The following RNF34 variants were observed in gnomAD, a reference collection of about 807,000 sequenced individuals.
RNF34 encodes the protein E3 ubiquitin-protein ligase RNF34.
RNF34 carries 12 observed loss-of-function variants against 37.9 expected under a neutral mutation model. That is an observed-to-expected ratio of 0.32 (90% CI 0.20 to 0.51). The LOEUF (loss-of-function observed/expected upper bound fraction) is 0.51, where lower values mean the gene tolerates loss of function less well. Ranked by LOEUF, RNF34 falls within the 20% of genes least tolerant of loss-of-function variation. The pLI is 0.97. For missense variants in RNF34, 362 were observed against 472.7 expected (o/e 0.77, Z 2.17); for synonymous variants, 155 against 177.2 (o/e 0.87, Z 1.00).
intron 1 of RNF34, among the ~76,000 whole-genome samples, chr12:121,414,766 G>A (rs983473408): frequency 4.7e-5 from 7 of 149,366 alleles, no homozygotes; most frequent in Non-Finnish European, 5.9e-5. Flanking sequence ...TCCGCCTCCC[G>A]AATTCAAGCA....
intron 1 of RNF34, among the ~76,000 whole-genome samples, chr12:121,407,633 A>G (rs998313886): frequency 9.9e-5 from 15 of 152,260 alleles, no homozygotes; most frequent in Non-Finnish European, 1.9e-4. Context: ...AGATGCTTCA[A>G]TCTTACTATC....
At chr12:121,406,460 G>A (rs1031864232) in intron 1 of RNF34, among the ~76,000 whole-genome samples, 3 of 151,810 alleles carry the variant, frequency 2.0e-5, no homozygotes, top group Non-Finnish European at 4.4e-5. Context: ...CTAATTTTTT[G>A]TATTTCAGTA....
rs1237845769 is a variant in RNF34, at chr12:121,402,437, T to G, written c.6+2219T>G. On this transcript the variant is annotated intron_variant, in intron 1 of 5. Coordinates refer to ENST00000361234, the MANE Select transcript of RNF34 (RefSeq NM_025126.4). The stretch of plus-strand genomic sequence containing the variant: ...GGGTATTTACTTTCTCCCTTTGGCG[T>G]TTTGGTTTGGTTTGGTTTGGTTTGG... Among the ~76,000 whole-genome samples, 12 of 151,310 alleles carry G rather than the reference T, an allele frequency of 7.9e-5. No homozygotes were observed. The South Asian group carries it at 8.3e-4, about 10-fold the overall frequency.
intron 1 of RNF34, among the ~76,000 whole-genome samples, chr12:121,411,447 T>A (rs930856196): frequency 3.9e-5 from 6 of 152,054 alleles, no homozygotes; most frequent in Non-Finnish European, 7.4e-5. Flanking sequence ...GAAAAAAAAA[T>A]TTTCAGCCTA....
intron 1 of RNF34, among the ~76,000 whole-genome samples, chr12:121,406,629 T>C (rs1444967777): frequency 1.1e-4 from 16 of 152,174 alleles, no homozygotes; most frequent in African/African-American, 3.1e-4. Context: ...TTAACTGATA[T>C]AAGCCAGGCA....
chr12:121,421,371 TAAAAAAAAAAA>T (rs11398833), intron 5 of RNF34, among the ~76,000 whole-genome samples: 119 of 46,374 alleles, frequency 2.6e-3, no homozygotes, highest in Admixed American at 0.011. Context: ...ATCCCATCTC[TAAAAAAAAAAA>T]AAAAAAAAAA....
intron 1 of RNF34, among the ~76,000 whole-genome samples, chr12:121,412,553 GT>G (rs1354047873): frequency 6.6e-6 from 1 of 151,400 alleles, no homozygotes; most frequent in Non-Finnish European, 1.5e-5. Flanking sequence ...TAATTTTTGT[GT>G]TTTTAGTAGA....
rs782117201 is a variant in RNF34 at position 121,417,504 on chromosome 12, C to T, written c.226C>T (p.His76Tyr). 2 of 1,607,932 alleles carry T rather than the reference C, an allele frequency of 1.2e-6. No individual in the cohort carries two copies. Among genetic ancestry groups the T allele is most frequent in the East Asian group, 2.2e-5 (1 of 44,800 alleles). Reference protein sequence around the residue: ...GLSFSVFRKKHVCCDCKKDFC... With the variant: ...GLSFSVFRKKYVCCDCKKDFC... ...TCATCAAATGCTTTTCTTTCTTCAG[C>T]ATGTTTGCTGTGACTGCAAGAAGGA... is the stretch of plus-strand genomic sequence containing the variant. The change falls in exon 3 of 6, where the codon CAT becomes TAT. Residue 76 changes from histidine to tyrosine, a missense_variant and splice_region_variant. Coordinates refer to ENST00000361234, the MANE Select transcript of RNF34 (RefSeq NM_025126.4). This position sits in a 1 kb window ranked among gnomAD's most constrained non-coding sequence, Gnocchi z 5.0.
chr12:121,400,236 C>T lies in RNF34; in HGVS notation c.6+18C>T. On this transcript the variant is annotated intron_variant, in intron 1 of 5. Transcript: ENST00000361234. ...CCATGAAGGTGAGGGGCCGGTGGAG[C>T]CGGACAGACCCTCCTCGCCAATCCT... The T allele has an allele frequency of 6.2e-7, 1 of 1,607,300 alleles. No homozygotes were observed.
In RNF34 at chr12:121,417,997, C is replaced by G; in HGVS notation, c.633+86C>G. ...TGGGGCCTTTAGTGCTTGATGACTT[C>G]TGATAAACTTCAAGTCATGTGCTGG... On this transcript the variant is annotated intron_variant, in intron 3 of 5. Transcript: ENST00000361234. This position sits in a 1 kb window ranked among gnomAD's most constrained non-coding sequence, Gnocchi z 5.0. 1 of 1,361,550 alleles carries G rather than the reference C, an allele frequency of 7.3e-7. No individual in the cohort carries two copies. Among genetic ancestry groups the G allele is most frequent in the Non-Finnish European group, 1.0e-6 (1 of 990,210 alleles). The allele number at this position is 1,361,550 out of a possible 1,614,324, so 84.3% of individuals were successfully genotyped here.
chr12:121,406,995 G>C (rs1276180384), intron 1 of RNF34, among the ~76,000 whole-genome samples: 1 of 152,034 alleles, frequency 6.6e-6, no homozygotes, highest in African/African-American at 2.4e-5. Flanking sequence ...TAAAGTTTGG[G>C]GTACAGTTGG....
intron 1 of RNF34, among the ~76,000 whole-genome samples, chr12:121,406,401 C>G (rs1870538118): frequency 6.6e-6 from 1 of 151,652 alleles, no homozygotes; most frequent in Non-Finnish European, 1.5e-5. Context: ...ATTCTTGTGC[C>G]TCAACCTCCC....
In RNF34 at chr12:121,423,256, G is replaced by A. The variant is rs959394670; in HGVS notation, c.929-130G>A. ...TGCAGAGAAGTTGGGATTATTTCTTGTACAACACTGGGGTGGCATTGGGCC... is the reference window on the plus strand; with the variant it reads ...TGCAGAGAAGTTGGGATTATTTCTTATACAACACTGGGGTGGCATTGGGCC... On this transcript the variant is annotated intron_variant, in intron 5 of 5. Coordinates refer to ENST00000361234, the MANE Select transcript of RNF34 (RefSeq NM_025126.4). The surrounding 1 kb of genome is among the most constrained non-coding windows in gnomAD (Gnocchi z 4.3). The A allele has an allele frequency of 4.8e-6, 3 of 626,670 alleles. No individual in the cohort carries two copies. In the African/African-American group the frequency reaches 5.5e-5, roughly 12 times the overall value. The allele number at this position is 626,670 out of a possible 1,614,324, so 38.8% of individuals were successfully genotyped here.
chr12:121,421,321 G>A (rs1872106538), intron 5 of RNF34, among the ~76,000 whole-genome samples: 1 of 138,106 alleles, frequency 7.2e-6, no homozygotes, highest in African/African-American at 2.8e-5. Flanking sequence ...AGGATCACTT[G>A]AGCCCAGGAG....
intron 1 of RNF34, among the ~76,000 whole-genome samples, chr12:121,405,440 A>T (rs1870432725): frequency 6.6e-6 from 1 of 152,108 alleles, no homozygotes. Flanking sequence ...TCTCCAGTTG[A>T]TGCTATCAGT....
chr12:121,404,129 C>A lies in RNF34; in HGVS notation c.6+3911C>A, dbSNP rs1555280357. On this transcript the variant is annotated intron_variant, in intron 1 of 5. Coordinates refer to ENST00000361234, the MANE Select transcript of RNF34 (RefSeq NM_025126.4). ...TCTCGGGTTCAAACAGTTCTCCTGC[C>A]TCAGCTTCCCAAGTAGCTGCCATGC... Among the ~76,000 whole-genome samples, 5 of 151,530 alleles carry A rather than the reference C, an allele frequency of 3.3e-5. No individual in the cohort carries two copies. In the South Asian group the frequency reaches 1.0e-3, roughly 32 times the overall value.
chr12:121,412,957 T>A (rs1381619109), intron 1 of RNF34, among the ~76,000 whole-genome samples: 1 of 151,900 alleles, frequency 6.6e-6, no homozygotes, highest in Non-Finnish European at 1.5e-5. Flanking sequence ...CCTCATGATC[T>A]GCTCCCCCAC....
chr12:121,411,328 G>A (rs555324590), intron 1 of RNF34, among the ~76,000 whole-genome samples: 2 of 152,042 alleles, frequency 1.3e-5, no homozygotes, highest in Admixed American at 6.6e-5. Flanking sequence ...GTATAGAAAC[G>A]TGAGGAATGG....
intron 1 of RNF34, chr12:121,415,405 G>C (rs565958374): frequency 7.8e-4 from 198 of 253,462 alleles, no homozygotes; most frequent in African/African-American, 4.0e-3. Context: ...CAGATCACTT[G>C]AGGCCACGCA....
Sources: gnomAD v4.1 joint callset for allele counts (sites outside exome capture counted in the v4.1 genomes callset) on GRCh38, gnomAD v4.1.1 for gene constraint, Gnocchi (gnomAD v3.1) non-coding constraint, MANE v1.5 for transcripts, NCBI Gene and HGNC (gene_info 2026-07-23, HGNC 2026-07-21) for gene names.